HEMK2: variants seen among roughly 807,000 people sequenced by gnomAD.
HEMK2 encodes methyltransferase HEMK2.
At chr21:28,613,051 A>AT in the HEMK2 span, among the ~76,000 whole-genome samples, 1 of 152,102 alleles carries the variant, frequency 6.6e-6, no homozygotes, top group Admixed American at 6.6e-5. Context: ...ATGCCCATCA[A>AT]TTAACAAGTG....
the HEMK2 span, chr21:28,882,201 G>A: frequency 5.0e-6 from 8 of 1,598,156 alleles, no homozygotes; most frequent in Admixed American, 1.8e-5. Flanking sequence ...TTGTTACAGC[G>A]TGCTGTCTCT....
the HEMK2 span, among the ~76,000 whole-genome samples, chr21:28,658,385 A>G: frequency 1.1e-4 from 17 of 152,136 alleles, no homozygotes; most frequent in Non-Finnish European, 1.6e-4. Context: ...ATAGAACAGA[A>G]TTCTGATTCA....
the HEMK2 span, among the ~76,000 whole-genome samples, chr21:28,750,787 C>G: frequency 6.6e-6 from 1 of 151,388 alleles, no homozygotes; most frequent in Non-Finnish European, 1.5e-5. Context: ...GTGACACAGC[C>G]AACTCTACAA....
At chr21:28,877,020 GA>G in the HEMK2 span, among the ~76,000 whole-genome samples, 1 of 29,594 alleles carries the variant, frequency 3.4e-5, no homozygotes, top group African/African-American at 1.3e-4. Flanking sequence ...AGGAAGGAAG[GA>G]AGGAAGGAAG....
the HEMK2 span, among the ~76,000 whole-genome samples, chr21:28,786,422 G>A: frequency 6.6e-6 from 1 of 152,192 alleles, no homozygotes; most frequent in Non-Finnish European, 1.5e-5. Context: ...TGTAATCCCA[G>A]CACTTTGGGA....
At chr21:28,727,016 G>T in the HEMK2 span, among the ~76,000 whole-genome samples, 1 of 152,078 alleles carries the variant, frequency 6.6e-6, no homozygotes, top group Non-Finnish European at 1.5e-5. Context: ...AGTTCACAGG[G>T]TCCCTTTGCT....
At chr21:28,851,370 G>C in the HEMK2 span, among the ~76,000 whole-genome samples, 1 of 152,088 alleles carries the variant, frequency 6.6e-6, no homozygotes, top group Non-Finnish European at 1.5e-5. Context: ...ACCTTCTCTT[G>C]TTCTGGACCC....
chr21:28,694,771 C>A, the HEMK2 span, among the ~76,000 whole-genome samples: 1 of 152,090 alleles, frequency 6.6e-6, no homozygotes, highest in African/African-American at 2.4e-5. Flanking sequence ...GCGGGAGGAT[C>A]ACGAGGTCAG....
At chr21:28,736,667 T>A in the HEMK2 span, among the ~76,000 whole-genome samples, 34,728 of 151,896 alleles carry the variant, frequency 0.23, 4,581 homozygotes, top group African/African-American at 0.35. Context: ...CAGGAGGCTG[T>A]GGCAGAAGAA....
the HEMK2 span, among the ~76,000 whole-genome samples, chr21:28,768,246 G>A: frequency 1.3e-5 from 2 of 152,034 alleles, no homozygotes; most frequent in Non-Finnish European, 2.9e-5. Context: ...GGAAGCAAAA[G>A]GCCATCCTCT....
At chr21:28,813,170 T>C in the HEMK2 span, among the ~76,000 whole-genome samples, 2 of 152,196 alleles carry the variant, frequency 1.3e-5, no homozygotes, top group East Asian at 3.8e-4. Context: ...TTGTCTCTCT[T>C]TGCAGATGAC....
the HEMK2 span, among the ~76,000 whole-genome samples, chr21:28,833,450 T>C: frequency 6.6e-6 from 1 of 152,326 alleles, no homozygotes; most frequent in Non-Finnish European, 1.5e-5. Context: ...GTAATGGCAG[T>C]TACATAATCT....
chr21:28,635,121 A>G, the HEMK2 span, among the ~76,000 whole-genome samples: 2 of 116,742 alleles, frequency 1.7e-5, no homozygotes, highest in South Asian at 5.3e-4. Context: ...TTTTTTCTTT[A>G]GATGGAGTTT....
At chr21:28,594,188 A>AT in the HEMK2 span, among the ~76,000 whole-genome samples, 885 of 152,332 alleles carry the variant, frequency 5.8e-3, 7 homozygotes, top group African/African-American at 0.02. Context: ...TGTCAAGGTA[A>AT]TAAAAAGTAA....
the HEMK2 span, among the ~76,000 whole-genome samples, chr21:28,681,933 A>G: frequency 6.6e-6 from 1 of 152,250 alleles, no homozygotes; most frequent in Non-Finnish European, 1.5e-5. Context: ...TGTTAGACCT[A>G]AAACCATGAA....
At chr21:28,689,168 T>C in the HEMK2 span, among the ~76,000 whole-genome samples, 9 of 152,222 alleles carry the variant, frequency 5.9e-5, no homozygotes, top group South Asian at 1.4e-3. Flanking sequence ...CTAAAAGCTA[T>C]TGCCAAAGTG....
the HEMK2 span, among the ~76,000 whole-genome samples, chr21:28,639,772 G>A: frequency 2.0e-5 from 3 of 152,134 alleles, no homozygotes; most frequent in Non-Finnish European, 4.4e-5. Flanking sequence ...TGGTTCAGAC[G>A]AGGAACCCTG....
At chr21:28,625,583 T>C in the HEMK2 span, among the ~76,000 whole-genome samples, 1 of 151,978 alleles carries the variant, frequency 6.6e-6, no homozygotes, top group Non-Finnish European at 1.5e-5. Flanking sequence ...TGGTGGTGCA[T>C]GCCTGTAATC....
At chr21:28,789,340 T>G in the HEMK2 span, among the ~76,000 whole-genome samples, 9 of 152,112 alleles carry the variant, frequency 5.9e-5, no homozygotes, top group Non-Finnish European at 1.3e-4. Flanking sequence ...AAACGGCGTA[T>G]AGCTCTCAAT....
Sources: allele counts gnomAD v4.1 joint callset (sites outside exome capture counted in the v4.1 genomes callset), GRCh38; gene constraint gnomAD v4.1.1; transcripts MANE v1.5; gene names NCBI Gene and HGNC (gene_info 2026-07-23, HGNC 2026-07-21).